Variants in C2CD3 observed in about 807,000 individuals in gnomAD.
C2CD3 encodes C2 domain containing 3 centriole elongation regulator, also known as C2 domain-containing protein 3.
C2CD3 carries 148 observed loss-of-function variants against 234.0 expected under a neutral mutation model. The observed-to-expected ratio is 0.63, with a 90% confidence interval of 0.55 to 0.72. The LOEUF (loss-of-function observed/expected upper bound fraction) is 0.72, where lower values mean the gene tolerates loss of function less well. Among genes scored for constraint, C2CD3 ranks in the 30% least tolerant of loss-of-function variants. C2CD3 has a pLI of 0.00. For synonymous variants in C2CD3, 1,000 were observed against 1,035.4 expected, an observed-to-expected ratio of 0.97 and a Z score of 0.66; for missense variants, 2,577 against 2,811.5, an observed-to-expected ratio of 0.92 and a Z score of 1.89.
rs1303750470 is a variant in C2CD3, at chr11:74,098,389, A to C, written c.2733-134T>G. ...GGAAAAGTAATAGTGGTTTTAAAAAATGTGTGCATCTGTCAGTAACCTACC... is the reference window on the plus strand; with the variant it reads ...GGAAAAGTAATAGTGGTTTTAAAAACTGTGTGCATCTGTCAGTAACCTACC... On this transcript the variant is annotated intron_variant, in intron 15 of 32. Coordinates refer to ENST00000334126, the MANE Select transcript of C2CD3 (RefSeq NM_001286577.2). 8 of 898,154 alleles carry C rather than the reference A, an allele frequency of 8.9e-6. No homozygotes were observed. The African/African-American group carries it at 1.3e-4, about 15-fold the overall frequency. The allele number at this position is 898,154 out of a possible 1,614,324, so 55.6% of individuals were successfully genotyped here.
intron 3 of C2CD3, among the ~76,000 whole-genome samples, chr11:74,155,099 C>T (rs1048056637): frequency 8.5e-5 from 13 of 152,068 alleles, no homozygotes; most frequent in Admixed American, 7.2e-4. Flanking sequence ...TCCACAGGCT[C>T]CAAGATAGTG....
At chr11:74,113,965 A>G in intron 10 of C2CD3, 73 bp from the exon 11 acceptor site, 1 of 922,248 alleles carries the variant, frequency 1.1e-6, no homozygotes, top group Non-Finnish European at 1.6e-6. Flanking sequence ...AATCCAACAT[A>G]TATTTGAAAT....
In C2CD3 at chr11:74,130,389, C is replaced by G. The variant is rs535264011; in HGVS notation, c.1217+2455G>C. Among the ~76,000 whole-genome samples, 4 of 152,100 alleles carry G rather than the reference C, an allele frequency of 2.6e-5. No individual in the cohort carries two copies. The South Asian group carries it at 6.2e-4, about 24-fold the overall frequency. Reference sequence around the variant, plus strand: ...TACAGTCATATGCCACCATACCTAGCTAATCTTTTTTATTTTTATTTTTTG... The same window carrying G: ...TACAGTCATATGCCACCATACCTAGGTAATCTTTTTTATTTTTATTTTTTG... On this transcript the variant is annotated intron_variant, in intron 7 of 32. Coordinates refer to ENST00000334126, the MANE Select transcript of C2CD3 (RefSeq NM_001286577.2).
In C2CD3 at chr11:74,123,053, T is replaced by G. The variant is rs757763074; in HGVS notation, c.1300A>C (p.Ile434Leu). The G allele has an allele frequency of 1.9e-6, 3 of 1,612,934 alleles. No homozygotes were observed. Among genetic ancestry groups the G allele is most frequent in the East Asian group, 4.5e-5 (2 of 44,864 alleles). The change falls in exon 8 of 33, where the codon ATC becomes CTC. Residue 434 changes from isoleucine to leucine, a missense_variant. By Grantham distance (5) the Ile-to-Leu change is conservative. Transcript: ENST00000334126. Reference protein sequence around the residue: ...SPSPGSDVYCISELNDPQYDQ... With the variant: ...SPSPGSDVYCLSELNDPQYDQ... ...TACTGAGGGTCATTCAGCTCACTGA[T>G]GCAATACACATCACTCCCAGGAGAT...
At chr11:74,128,362 T>G (rs1957486735) in intron 7 of C2CD3, among the ~76,000 whole-genome samples, 1 of 152,168 alleles carries the variant, frequency 6.6e-6, no homozygotes, top group Non-Finnish European at 1.5e-5. Context: ...TAGTGTCCTT[T>G]GAAGCACATA....
chr11:74,161,506 T>C lies in C2CD3; in HGVS notation c.376A>G (p.Ile126Val), dbSNP rs774586335. The C allele has an allele frequency of 9.2e-5, 146 of 1,595,318 alleles. No homozygotes were observed. Among genetic ancestry groups the C allele is most frequent in the Middle Eastern group, 3.3e-4 (2 of 6,036 alleles). Residue 126 changes from isoleucine to valine, a missense_variant, in exon 3 of 33, where the codon ATT becomes GTT. Coordinates refer to ENST00000334126, the MANE Select transcript of C2CD3 (RefSeq NM_001286577.2). Reference sequence around the variant, plus strand: ...AGTCCATTGATCTGAACTCTACCAATTGGAAGACCATCAAGTTTGGTGATT... The same window carrying C: ...AGTCCATTGATCTGAACTCTACCAACTGGAAGACCATCAAGTTTGGTGATT... ...EVITKLDGLPIGRVQINGLAQ... is the reference protein window; with the variant it reads ...EVITKLDGLPVGRVQINGLAQ...
Position 74,106,356 on chromosome 11 carries a change from T to C in C2CD3, c.2085+15A>G. On this transcript the variant is annotated intron_variant, in intron 13 of 32. Transcript: ENST00000334126. ...CAGCAAATACTTCTGACTTCCTGAA[T>C]GTATATCTACATACCTTGAGGGGGC... is the stretch of plus-strand genomic sequence containing the variant. The C allele has an allele frequency of 6.2e-7, 1 of 1,612,928 alleles. No individual in the cohort carries two copies. Among genetic ancestry groups the C allele is most frequent in the African/African-American group, 1.3e-5 (1 of 74,996 alleles).
chr11:74,026,707 C>T lies in C2CD3; in HGVS notation c.6921+1580G>A, dbSNP rs527274347. ...GATTCAGGCCGGGCGCAGTGGCTCACGCCTGTAATCCCAGCACTTTGGGAG... is the reference window on the plus strand; with the variant it reads ...GATTCAGGCCGGGCGCAGTGGCTCATGCCTGTAATCCCAGCACTTTGGGAG... On this transcript the variant is annotated intron_variant, in intron 32 of 32. Coordinates refer to ENST00000334126, the MANE Select transcript of C2CD3 (RefSeq NM_001286577.2). 9.9e-5 allele frequency among the ~76,000 whole-genome samples: 15 copies of T among 152,236 alleles called. No homozygotes were observed. In the South Asian group the frequency reaches 2.5e-3, roughly 25 times the overall value.
chr11:74,044,360 C>G (rs1411648033), intron 28 of C2CD3, among the ~76,000 whole-genome samples: 1 of 151,398 alleles, frequency 6.6e-6, no homozygotes, highest in Non-Finnish European at 1.5e-5. Flanking sequence ...GAGGCTGAGG[C>G]AGGAGAATCG....
intron 22 of C2CD3, among the ~76,000 whole-genome samples, chr11:74,082,891 C>A (rs1955456009): frequency 6.6e-6 from 1 of 152,152 alleles, no homozygotes; most frequent in African/African-American, 2.4e-5. Context: ...GATTCAATGC[C>A]ATCCCCATCA....
intron 11 of C2CD3, among the ~76,000 whole-genome samples, chr11:74,112,293 C>A (rs1015083084): frequency 4.6e-5 from 7 of 152,076 alleles, no homozygotes; most frequent in African/African-American, 1.7e-4. Flanking sequence ...CAAGGCAAAG[C>A]TATCCTCAGA....
chr11:74,123,089 G>C lies in C2CD3; in HGVS notation c.1264C>G (p.Pro422Ala), dbSNP rs1565320338. The C allele has an allele frequency of 6.2e-7, 1 of 1,612,906 alleles. No homozygotes were observed. Among genetic ancestry groups the C allele is most frequent in the Non-Finnish European group, 8.5e-7 (1 of 1,178,886 alleles). ...TCACTCCCAGGAGATGGGGAATCTGGAGGAGAGCCTAGCCCATCCCAGAAA... is the reference window on the plus strand; with the variant it reads ...TCACTCCCAGGAGATGGGGAATCTGCAGGAGAGCCTAGCCCATCCCAGAAA... ...GNFWDGLGSPPDSPSPGSDVY... is the reference protein window; with the variant it reads ...GNFWDGLGSPADSPSPGSDVY... The change falls in exon 8 of 33, where the codon CCA (proline) becomes GCA (alanine). Residue 422 changes from proline to alanine, a missense_variant. By Grantham distance (27) the Pro-to-Ala change is conservative (BLOSUM62 -1). Coordinates refer to ENST00000334126, the MANE Select transcript of C2CD3 (RefSeq NM_001286577.2).
rs371157523 is a variant in C2CD3 at position 74,037,603 on chromosome 11, A to G, written c.5756T>C (p.Ile1919Thr). 1.9e-6 allele frequency: 3 copies of G among 1,614,048 alleles called. No homozygotes were observed. Among genetic ancestry groups the G allele is most frequent in the Non-Finnish European group, 1.7e-6 (2 of 1,179,980 alleles). ...CCTACAGCTCTCCTGGTGCTGTGAGATGGCCGTTTGAGTCTGAGGGCTGAG... is the reference window on the plus strand; with the variant it reads ...CCTACAGCTCTCCTGGTGCTGTGAGGTGGCCGTTTGAGTCTGAGGGCTGAG... ...LPLSPQTQTA[I>T]SQHQESCRDH... The change falls in exon 30 of 33, where the codon ATC (isoleucine) becomes ACC (threonine). Residue 1919 changes from isoleucine (I) to threonine (T), a missense_variant. Coordinates refer to ENST00000334126, the MANE Select transcript of C2CD3 (RefSeq NM_001286577.2).
chr11:74,085,086 T>C (rs1955579435), intron 21 of C2CD3, 116 bp from the exon 22 acceptor site: 3 of 588,678 alleles, frequency 5.1e-6, no homozygotes, highest in Non-Finnish European at 9.1e-6. Flanking sequence ...TTTTGTAAAA[T>C]GCATTAGAGA....
At chr11:74,097,495 T>G (rs1195526238) in intron 16 of C2CD3, among the ~76,000 whole-genome samples, 1 of 152,228 alleles carries the variant, frequency 6.6e-6, no homozygotes, top group East Asian at 1.9e-4. Flanking sequence ...TCTGTCTCAT[T>G]ATCTATAAAA....
intron 32 of C2CD3, among the ~76,000 whole-genome samples, chr11:74,028,067 G>C (rs184664946): frequency 2.1e-4 from 32 of 152,138 alleles, no homozygotes; most frequent in Middle Eastern, 3.4e-3. Context: ...TGTCAGTCTT[G>C]GCTGACAATG....
intron 3 of C2CD3, among the ~76,000 whole-genome samples, chr11:74,152,464 G>T (rs745781739): frequency 1.3e-5 from 2 of 152,194 alleles, no homozygotes; most frequent in African/African-American, 4.8e-5. Context: ...AACTCTACTA[G>T]ACATTTAATC....
At chr11:74,109,787 T>G (rs1158266813) in intron 11 of C2CD3, among the ~76,000 whole-genome samples, 1 of 151,976 alleles carries the variant, frequency 6.6e-6, no homozygotes, top group African/African-American at 2.4e-5. Context: ...TAAAAAGAAT[T>G]TGAGGCCGGG....
chr11:74,081,778 CTGTT>C (rs536878050), intron 22 of C2CD3, among the ~76,000 whole-genome samples: 6 of 152,162 alleles, frequency 3.9e-5, no homozygotes, highest in South Asian at 2.1e-4. Flanking sequence ...ATTTGGCTCT[CTGTT>C]TGTCTGCTAT....
Sources: allele counts gnomAD v4.1 joint callset (sites outside exome capture counted in the v4.1 genomes callset), GRCh38; gene constraint gnomAD v4.1.1; transcripts MANE v1.5; gene names NCBI Gene and HGNC (gene_info 2026-07-23, HGNC 2026-07-21).